DCHS1: variants seen among roughly 807,000 people sequenced by gnomAD.
DCHS1 encodes dachsous cadherin-related 1, also known as protocadherin-16.
DCHS1 carries 78 observed loss-of-function variants against 213.9 expected under a neutral mutation model. The observed-to-expected ratio is 0.36, with a 90% confidence interval of 0.30 to 0.44. The LOEUF (loss-of-function observed/expected upper bound fraction) is 0.44. DCHS1 is among the 20% of genes least tolerant of loss of function. The pLI is 1.00. For synonymous variants in DCHS1, 1,828 were observed against 1,873.7 expected, an observed-to-expected ratio of 0.98 and a Z score of 0.63; for missense variants, 3,946 against 4,395.9, an observed-to-expected ratio of 0.90 and a Z score of 2.89.
At position 6,640,344 on chromosome 11, in the gene DCHS1, C is replaced by T. The variant is rs759938374; in HGVS notation, c.1270G>A (p.Val424Met). Residue 424 changes from valine (V) to methionine (M), a missense_variant, in exon 2 of 21, where the codon GTG becomes ATG. Val to Met is a conservative substitution (Grantham distance 21). Coordinates refer to ENST00000299441, the MANE Select transcript of DCHS1 (RefSeq NM_003737.4). The surrounding 1 kb of genome is among the most constrained non-coding windows in gnomAD (Gnocchi z 6.5). Reference protein sequence around the residue: ...LSTQDSVIYLVCVARRLDREE... With the variant: ...LSTQDSVIYLMCVARRLDREE... ...CGATCCAGCCGCCGAGCCACACACA[C>T]CAGATAGATGACGCTGTCTTGGGTG... The T allele has an allele frequency of 2.9e-5, 46 of 1,612,504 alleles. No individual in the cohort carries two copies. The highest frequency in any genetic ancestry group is 3.9e-5 in the Non-Finnish European group (46 of 1,179,266).
At position 6,628,970 on chromosome 11, in the gene DCHS1, T is replaced by A. The variant is rs1855857489; in HGVS notation, c.5162-140A>T. Reference sequence around the variant, plus strand: ...TCTCCATACCTCTCAGGCACACATGTGTCATGCATACATAAACATACATGT... The same window carrying A: ...TCTCCATACCTCTCAGGCACACATGAGTCATGCATACATAAACATACATGT... On this transcript the variant is annotated intron_variant, in intron 12 of 20. Coordinates refer to ENST00000299441, the MANE Select transcript of DCHS1 (RefSeq NM_003737.4). This position sits in a 1 kb window ranked among gnomAD's most constrained non-coding sequence, Gnocchi z 4.3. 3.5e-6 allele frequency: 3 copies of A among 859,850 alleles called. No homozygotes were observed. In the Admixed American group the frequency reaches 6.2e-5, roughly 18 times the overall value. 53.3% of individuals were successfully genotyped at this position (859,850 alleles called of 1,614,324 possible).
chr11:6,655,433 A>C (rs1291443561), intron 1 of DCHS1, 130 bp downstream of exon 1: 1 of 495,784 alleles, frequency 2.0e-6, no homozygotes, highest in Non-Finnish European at 2.6e-6. Context: ...CCGCAGGCCC[A>C]GGCCCCCCCT....
Position 6,640,410 on chromosome 11 carries a change from T to C in DCHS1, c.1204A>G (p.Asn402Asp). ...CCCTCTCCACCTTCCAGGGACACAT[T>C]GACATGGGCAAAGTCACCATCATCT... ...DPDDGDFAHV[N>D]VSLEGGEGHF... Residue 402 changes from asparagine to aspartate, a missense_variant, in exon 2 of 21, where the codon AAT becomes GAT. By Grantham distance (23) the Asn-to-Asp change is conservative (BLOSUM62 1). Around this residue, in one of 3 missense-constraint regions of DCHS1, gnomAD observed 3,384 missense variants for 3,780.1 expected, o/e 0.90. Transcript: ENST00000299441. The surrounding 1 kb of genome is among the most constrained non-coding windows in gnomAD (Gnocchi z 6.5). 6.2e-7 allele frequency: 1 copy of C among 1,613,940 alleles called. No individual in the cohort carries two copies. The highest frequency in any genetic ancestry group is 1.1e-5 in the South Asian group (1 of 91,076).
At position 6,641,095 on chromosome 11, in the gene DCHS1, C is replaced by T; in HGVS notation, c.519G>A (p.Gly173=). The T allele has an allele frequency of 6.2e-7, 1 of 1,613,984 alleles. No homozygotes were observed. The highest frequency in any genetic ancestry group is 8.5e-7 in the Non-Finnish European group (1 of 1,179,900). The change falls in exon 2 of 21, where the codon GGG becomes GGA. Residue 173 remains glycine (G), a synonymous_variant. Transcript: ENST00000299441. This position sits in a 1 kb window ranked among gnomAD's most constrained non-coding sequence, Gnocchi z 7.1. ...GCGCATAGCCCTGGGTTCCCAGACG[C>T]CCAGCATCTGCATCACGAGCAGGCT... ...PLEPARDADA[G]RLGTQGYALS...
At chr11:6,653,024 T>G (rs1325461385) in intron 1 of DCHS1, among the ~76,000 whole-genome samples, 3 of 152,220 alleles carry the variant, frequency 2.0e-5, no homozygotes, top group Non-Finnish European at 2.9e-5. Flanking sequence ...ATTTCTAAAA[T>G]GAATCTGATC....
At chr11:6,639,739 G>C (rs985140865) in intron 2 of DCHS1, 78 bp downstream of exon 2, 5 of 1,262,956 alleles carry the variant, frequency 4.0e-6, no homozygotes, top group African/African-American at 3.0e-5. Context: ...ACCTTGTAAG[G>C]CTTGGTTCCT....
Position 6,630,095 on chromosome 11 carries a change from C to T in DCHS1, c.4699G>A (p.Val1567Met), listed in dbSNP as rs1296271502. 1.3e-6 allele frequency: 2 copies of T among 1,597,646 alleles called. No individual in the cohort carries two copies. The highest frequency in any genetic ancestry group is 1.3e-5 in the African/African-American group (1 of 74,356). The stretch of plus-strand genomic sequence containing the variant: ...CCCAGATCCGGGTCCCGGGCTACCA[C>T]GTGCAGGGCCGCGGGCCCAGGCGGC... ...DQPPGPAALHVVARDPDLGEA... is the reference protein window; with the variant it reads ...DQPPGPAALHMVARDPDLGEA... The change falls in exon 10 of 21, where the codon GTG becomes ATG. Residue 1567 changes from valine (V) to methionine (M), a missense_variant. Val to Met is a conservative substitution (Grantham distance 21). Transcript: ENST00000299441.
At position 6,621,616 on chromosome 11, in the gene DCHS1, T is replaced by C. The variant is rs1421367394; in HGVS notation, c.*163A>G. 3 of 806,352 alleles carry C rather than the reference T, an allele frequency of 3.7e-6. 1 individual carries two copies. The East Asian group carries it at 8.0e-5, about 21-fold the overall frequency. 49.9% of individuals were successfully genotyped at this position (806,352 alleles called of 1,614,324 possible). A position where few individuals can be genotyped will look rare whatever the true frequency, so the allele number is the denominator to read the frequency against. ...GTGAGCAACAGGGCTTCTGTGGTCC[T>C]AGTACTCTGAGGGGGCTGGGGAGTT... is the stretch of plus-strand genomic sequence containing the variant. On this transcript the variant is annotated 3_prime_UTR_variant, in exon 21 of 21. Transcript: ENST00000299441.
rs770408776 is a variant in DCHS1 at position 6,633,612 on chromosome 11, G to A, written c.2255C>T (p.Ala752Val). The change falls in exon 5 of 21, where the codon GCC (alanine) becomes GTC (valine). Residue 752 changes from alanine (A) to valine (V), a missense_variant. Transcript: ENST00000299441. ...GATCTCCAGCTGCACCACAGAATTG[G>A]CCCGTCTGGCCAAGGGCCAGGCTAC... ...LTVAWPLARR[A>V]NSVVQLEIGA... The A allele has an allele frequency of 1.3e-6, 2 of 1,598,648 alleles. No individual in the cohort carries two copies. Among genetic ancestry groups the A allele is most frequent in the South Asian group, 2.2e-5 (2 of 88,960 alleles).
In DCHS1 at chr11:6,626,913, A is replaced by G; in HGVS notation, c.6126T>C (p.Asp2042=). The G allele has an allele frequency of 6.2e-7, 1 of 1,613,518 alleles. No individual in the cohort carries two copies. The highest frequency in any genetic ancestry group is 8.5e-7 in the Non-Finnish European group (1 of 1,179,850). The change falls in exon 14 of 21, where the codon GAT becomes GAC. Residue 2042 remains aspartate, a synonymous_variant. Coordinates refer to ENST00000299441, the MANE Select transcript of DCHS1 (RefSeq NM_003737.4). This position sits in a 1 kb window ranked among gnomAD's most constrained non-coding sequence, Gnocchi z 5.2. ...RDRVLFIVAT[D]LGRPARSATG... The stretch of plus-strand genomic sequence containing the variant: ...TGGCAGAGCGAGCTGGACGGCCAAG[A>G]TCAGTGGCCACAATGAAGAGGACAC...
chr11:6,638,251 A>T (rs1053062871), intron 2 of DCHS1, among the ~76,000 whole-genome samples: 3 of 152,210 alleles, frequency 2.0e-5, no homozygotes, highest in Admixed American at 2.0e-4. Context: ...ACATAAGGAC[A>T]CTAAGCACCA....
At chr11:6,653,487 C>A (rs528387807) in intron 1 of DCHS1, among the ~76,000 whole-genome samples, 4 of 152,200 alleles carry the variant, frequency 2.6e-5, no homozygotes, top group East Asian at 1.9e-4. Context: ...AGAGTAGGTG[C>A]CTAGTATGTG....
At position 6,621,468 on chromosome 11, in the gene DCHS1, C is replaced by T; in HGVS notation, c.*311G>A. 1 of 479,446 alleles carries T rather than the reference C, an allele frequency of 2.1e-6. No individual in the cohort carries two copies. The highest frequency in any genetic ancestry group is 3.9e-6 in the Non-Finnish European group (1 of 255,664). 29.7% of individuals were successfully genotyped at this position (479,446 alleles called of 1,614,324 possible). On this transcript the variant is annotated 3_prime_UTR_variant, in exon 21 of 21. Transcript: ENST00000299441. ...GGGACCTCCTCCATCCCCCTACCCCCAATAAATAAAGTCTCAGCTCCATCT... is the reference window on the plus strand; with the variant it reads ...GGGACCTCCTCCATCCCCCTACCCCTAATAAATAAAGTCTCAGCTCCATCT...
chr11:6,628,886 C>T lies in DCHS1; in HGVS notation c.5162-56G>A. 5.2e-6 allele frequency: 8 copies of T among 1,546,922 alleles called. No homozygotes were observed. Among genetic ancestry groups the T allele is most frequent in the Non-Finnish European group, 7.0e-6 (8 of 1,136,008 alleles). On this transcript the variant is annotated intron_variant, in intron 12 of 20. Coordinates refer to ENST00000299441, the MANE Select transcript of DCHS1 (RefSeq NM_003737.4). The surrounding 1 kb of genome is among the most constrained non-coding windows in gnomAD (Gnocchi z 4.3). Reference sequence around the variant, plus strand: ...TCTGCCCTCACCACATGGAGAAATCCACACCACACAGTGTTCATACATGTT... The same window carrying T: ...TCTGCCCTCACCACATGGAGAAATCTACACCACACAGTGTTCATACATGTT...
chr11:6,632,064 C>T lies in DCHS1; in HGVS notation c.3448G>A (p.Asp1150Asn). ...GGGTGGATGCGGAAGGCCTTGCTGT[C>T]TTCAGACAGCTGTTGCAGGCTGTAG... ...LTYSLQQLSE[D>N]SKAFRIHPQT... is the part of the protein sequence containing the mutation. Residue 1150 changes from aspartate to asparagine, a missense_variant, in exon 6 of 21, where the codon GAC becomes AAC. Asp to Asn is a conservative substitution (Grantham distance 23). Around this residue, in one of 3 missense-constraint regions of DCHS1, gnomAD observed 3,384 missense variants for 3,780.1 expected, o/e 0.90. Coordinates refer to ENST00000299441, the MANE Select transcript of DCHS1 (RefSeq NM_003737.4). This position sits in a 1 kb window ranked among gnomAD's most constrained non-coding sequence, Gnocchi z 5.9. The T allele has an allele frequency of 6.5e-7, 1 of 1,528,268 alleles. No homozygotes were observed. The highest frequency in any genetic ancestry group is 2.0e-5 in the Admixed American group (1 of 49,100). The allele number at this position is 1,528,268 out of a possible 1,614,324, so 94.7% of individuals were successfully genotyped here.
At position 6,624,024 on chromosome 11, in the gene DCHS1, A is replaced by C; in HGVS notation, c.7652T>G (p.Leu2551Arg). 1 of 1,613,622 alleles carries C rather than the reference A, an allele frequency of 6.2e-7. No individual in the cohort carries two copies. Among genetic ancestry groups the C allele is most frequent in the Non-Finnish European group, 8.5e-7 (1 of 1,179,826 alleles). Reference protein sequence around the residue: ...GESAGPGPRALGCLVLLEPLD... With the variant: ...GESAGPGPRARGCLVLLEPLD... The stretch of plus-strand genomic sequence containing the variant: ...AGGTTCAAGCAACACCAGGCAGCCC[A>C]GTGCCCGGGGGCCTGGTCCAGCACT... Residue 2551 changes from leucine (L) to arginine (R), a missense_variant, in exon 21 of 21, where the codon CTG becomes CGG. Coordinates refer to ENST00000299441, the MANE Select transcript of DCHS1 (RefSeq NM_003737.4).
At position 6,622,541 on chromosome 11, in the gene DCHS1, GC is replaced by G; in HGVS notation, c.9134del (p.Arg3045ProfsTer2). Reference protein sequence around the residue: ...SAEAAEDDEIRMINEFPRVAS... With the variant: ...SAEAAEDDEIXMINEFPRVAS... Reference sequence around the variant, plus strand: ...CCACACGGGGGAACTCATTGATCATGCGGATCTCATCATCCTCTGCAGCCTC... The same window carrying G: ...CCACACGGGGGAACTCATTGATCATGGGATCTCATCATCCTCTGCAGCCTC... On this transcript the variant is annotated frameshift_variant, in exon 21 of 21. Transcript: ENST00000299441. LOFTEE classifies it high-confidence loss of function. This position sits in a 1 kb window ranked among gnomAD's most constrained non-coding sequence, Gnocchi z 5.4. The G allele has an allele frequency of 6.3e-7, 1 of 1,581,336 alleles. No individual in the cohort carries two copies. Among genetic ancestry groups the G allele is most frequent in the Non-Finnish European group, 8.6e-7 (1 of 1,164,364 alleles).
Position 6,624,810 on chromosome 11 carries a change from T to A in DCHS1, c.7205A>T (p.Asp2402Val). The change falls in exon 20 of 21, where the codon GAT becomes GTT. Residue 2402 changes from aspartate to valine, a missense_variant. Coordinates refer to ENST00000299441, the MANE Select transcript of DCHS1 (RefSeq NM_003737.4). ...GSAILSVSATDRDSGANGHIS... is the reference protein window; with the variant it reads ...GSAILSVSATVRDSGANGHIS... ...GTGACCGTTGGCACCTGAGTCCCGA[T>A]CAGTGGCAGAGACGGAGAGAATGGC... The A allele has an allele frequency of 6.2e-7, 1 of 1,613,880 alleles. No homozygotes were observed. Among genetic ancestry groups the A allele is most frequent in the Non-Finnish European group, 8.5e-7 (1 of 1,179,848 alleles).
chr11:6,655,579 C>T lies in DCHS1; in HGVS notation c.-137G>A, dbSNP rs1305590746. On this transcript the variant is annotated 5_prime_UTR_variant, in exon 1 of 21. Coordinates refer to ENST00000299441, the MANE Select transcript of DCHS1 (RefSeq NM_003737.4). ...GGCACTGACCTCCGCGCGACGCGGG[C>T]TCCCTCGCCCGGTGCTGGGGCGCCG... The T allele has an allele frequency of 8.4e-5, 82 of 980,374 alleles. No individual in the cohort carries two copies. The highest frequency in any genetic ancestry group is 1.9e-4 in the Admixed American group (3 of 15,816). The allele number at this position is 980,374 out of a possible 1,614,324, so 60.7% of individuals were successfully genotyped here. A position where few individuals can be genotyped will look rare whatever the true frequency, so the allele number is the denominator to read the frequency against.
Sources: allele counts gnomAD v4.1 joint callset (sites outside exome capture counted in the v4.1 genomes callset), GRCh38; gene constraint gnomAD v4.1.1; regional missense constraint gnomAD v4.1.1; non-coding constraint Gnocchi (gnomAD v3.1); transcripts MANE v1.5; gene names NCBI Gene and HGNC (gene_info 2026-07-23, HGNC 2026-07-21).